ARHGEF12: variants seen among roughly 807,000 people sequenced by gnomAD.
The protein encoded by ARHGEF12 is Rho guanine nucleotide exchange factor 12.
A neutral mutation model predicts 211.2 loss-of-function variants in ARHGEF12; 66 were observed. That is an observed-to-expected ratio of 0.31 (90% CI 0.26 to 0.38). ARHGEF12 has a LOEUF of 0.38. Among genes scored for constraint, ARHGEF12 ranks in the 10% least tolerant of loss-of-function variants. The probability of loss-of-function intolerance (pLI) is 1.00; values close to 1 mark genes in which losing one functional copy is unlikely to be tolerated. For synonymous variants in ARHGEF12, 592 were observed against 638.4 expected (o/e 0.93, Z 1.09); for missense variants, 1,429 against 1,869.5 (o/e 0.76, Z 4.34).
intron 1 of ARHGEF12, among the ~76,000 whole-genome samples, chr11:120,387,854 C>T (rs573805076): frequency 2.6e-4 from 39 of 152,154 alleles, no homozygotes; most frequent in African/African-American, 8.4e-4. Context: ...AAAGATATTT[C>T]GTAAGGTATA....
chr11:120,336,629 G>A lies in ARHGEF12; in HGVS notation c.-615G>A, dbSNP rs912371028. Among the ~76,000 whole-genome samples, 1 of 152,128 alleles carries A rather than the reference G, an allele frequency of 6.6e-6. No individual in the cohort carries two copies. Among genetic ancestry groups the A allele is most frequent in the African/African-American group, 2.4e-5 (1 of 41,452 alleles). On this transcript the variant is annotated 5_prime_UTR_variant, in exon 1 of 41. Coordinates refer to ENST00000397843, the MANE Select transcript of ARHGEF12 (RefSeq NM_015313.3). The stretch of plus-strand genomic sequence containing the variant: ...CCGGGTCCCTGTCACCTCGGGCCGC[G>A]GGACCTCTCCGCCGGCGCCAGCGGC...
chr11:120,352,061 T>A (rs1289961707), intron 1 of ARHGEF12, among the ~76,000 whole-genome samples: 1 of 152,208 alleles, frequency 6.6e-6, no homozygotes, highest in Non-Finnish European at 1.5e-5. Context: ...AAATAGATTT[T>A]GTCTTCAACA....
chr11:120,381,010 A>G (rs1591523052), intron 1 of ARHGEF12, among the ~76,000 whole-genome samples: 1 of 152,154 alleles, frequency 6.6e-6, no homozygotes, highest in East Asian at 1.9e-4. Flanking sequence ...GTACTAGAAG[A>G]TGCTCCAGGC....
intron 26 of ARHGEF12, 53 bp downstream of exon 26, chr11:120,459,373 A>G: frequency 6.4e-7 from 1 of 1,566,252 alleles, no homozygotes; most frequent in Non-Finnish European, 8.7e-7. Flanking sequence ...TAGAGAAAAG[A>G]TTGTGAGTTT....
chr11:120,453,847 T>C (rs1946283358), intron 22 of ARHGEF12, among the ~76,000 whole-genome samples: 1 of 152,186 alleles, frequency 6.6e-6, no homozygotes. Flanking sequence ...GGCTCAGAGT[T>C]AGCATATGTT....
intron 39 of ARHGEF12, among the ~76,000 whole-genome samples, chr11:120,482,738 CTG>C (rs1290669568): frequency 1.5e-5 from 2 of 132,038 alleles, no homozygotes; most frequent in South Asian, 2.7e-4. Flanking sequence ...GAGCGAGACT[CTG>C]TCTCAAAAAA....
chr11:120,404,814 C>T (rs1180642723), intron 1 of ARHGEF12, among the ~76,000 whole-genome samples: 1 of 152,160 alleles, frequency 6.6e-6, no homozygotes, highest in African/African-American at 2.4e-5. Flanking sequence ...CTTGTATGTT[C>T]ATCTGTAAAT....
chr11:120,443,311 C>T (rs765310008), intron 15 of ARHGEF12, among the ~76,000 whole-genome samples: 11 of 152,140 alleles, frequency 7.2e-5, no homozygotes, highest in African/African-American at 1.7e-4. Context: ...TGAGCCACCG[C>T]ACCTGGCCTT....
At chr11:120,420,572 T>G (rs1167827261) in intron 4 of ARHGEF12, among the ~76,000 whole-genome samples, 181 bp from the exon 5 acceptor site, 1 of 152,262 alleles carries the variant, frequency 6.6e-6, no homozygotes, top group African/African-American at 2.4e-5. Context: ...TGTGTGACTC[T>G]GTGGTGTTCT....
intron 1 of ARHGEF12, among the ~76,000 whole-genome samples, chr11:120,346,701 C>CT (rs1037252096): frequency 2.5e-4 from 37 of 150,916 alleles, no homozygotes; most frequent in African/African-American, 8.7e-4. Context: ...ATGAAAGTTT[C>CT]TTTTTTTTTA....
chr11:120,423,254 G>A (rs988283559), intron 6 of ARHGEF12, among the ~76,000 whole-genome samples: 2 of 152,092 alleles, frequency 1.3e-5, no homozygotes, highest in African/African-American at 2.4e-5. Flanking sequence ...TACACATTTA[G>A]TATAGTTTGG....
chr11:120,421,964 A>G (rs189078263), intron 6 of ARHGEF12, 112 bp downstream of exon 6: 77 of 750,510 alleles, frequency 1.0e-4, no homozygotes, highest in Middle Eastern at 3.7e-4. Context: ...ACTTCTATGT[A>G]TGATAGATCT....
chr11:120,420,198 C>T (rs953046228), intron 4 of ARHGEF12, among the ~76,000 whole-genome samples: 2 of 152,152 alleles, frequency 1.3e-5, no homozygotes, highest in African/African-American at 2.4e-5. Context: ...CTGAACTCTT[C>T]CTTTCTCTTC....
intron 1 of ARHGEF12, among the ~76,000 whole-genome samples, chr11:120,374,011 TAGTC>T (rs1184641748): frequency 6.6e-6 from 1 of 152,162 alleles, no homozygotes; most frequent in Non-Finnish European, 1.5e-5. Flanking sequence ...TTCTCCGTGT[TAGTC>T]AGGTTGGGCT....
At chr11:120,345,762 A>G (rs1565415817) in intron 1 of ARHGEF12, among the ~76,000 whole-genome samples, 1 of 151,592 alleles carries the variant, frequency 6.6e-6, no homozygotes, top group African/African-American at 2.4e-5. Context: ...ATATATATAT[A>G]CAGTATTTAG....
chr11:120,476,144 C>G (rs1947021032), intron 33 of ARHGEF12: 1 of 153,186 alleles, frequency 6.5e-6, no homozygotes, highest in Non-Finnish European at 1.5e-5. Flanking sequence ...AACCTTGGCA[C>G]ACTGCAACCT....
At position 120,428,023 on chromosome 11, in the gene ARHGEF12, A is replaced by G. The variant is rs777175328; in HGVS notation, c.407-46A>G. On this transcript the variant is annotated intron_variant, in intron 7 of 40. Coordinates refer to ENST00000397843, the MANE Select transcript of ARHGEF12 (RefSeq NM_015313.3). ...AAATGGTATAAAAAGTTTCTTGACA[A>G]TGTTATTTTCCCTTCCCTTCCCTTT... 21 of 1,465,214 alleles carry G rather than the reference A, an allele frequency of 1.4e-5. No homozygotes were observed. The East Asian group carries it at 3.9e-4, about 27-fold the overall frequency. 90.8% of individuals were successfully genotyped at this position (1,465,214 alleles called of 1,614,324 possible).
In ARHGEF12 at chr11:120,484,450, A is replaced by G. The variant is rs1258561943; in HGVS notation, c.4567A>G (p.Ser1523Gly). ...TTTTATTTCACAGAAGGTGGAGGAAAGTTACACCATTCTTTGCCAAAGGCT... is the reference window on the plus strand; with the variant it reads ...TTTTATTTCACAGAAGGTGGAGGAAGGTTACACCATTCTTTGCCAAAGGCT... Reference protein sequence around the residue: ...DLEHLKKVEESYTILCQRLAG... With the variant: ...DLEHLKKVEEGYTILCQRLAG... Residue 1523 changes from serine to glycine, a missense_variant, in exon 40 of 41, where the codon AGT becomes GGT. By Grantham distance (56) the Ser-to-Gly change is moderately conservative (BLOSUM62 0). Coordinates refer to ENST00000397843, the MANE Select transcript of ARHGEF12 (RefSeq NM_015313.3). 1.2e-6 allele frequency: 2 copies of G among 1,614,082 alleles called. No individual in the cohort carries two copies. Among genetic ancestry groups the G allele is most frequent in the South Asian group, 2.2e-5 (2 of 91,062 alleles).
rs1264747613 is a variant in ARHGEF12 at position 120,417,588 on chromosome 11, C to T, written c.200-3165C>T. Among the ~76,000 whole-genome samples, 6 of 148,368 alleles carry T rather than the reference C, an allele frequency of 4.0e-5. No homozygotes were observed. The East Asian group carries it at 1.2e-3, about 30-fold the overall frequency. On this transcript the variant is annotated intron_variant, in intron 4 of 40. Coordinates refer to ENST00000397843, the MANE Select transcript of ARHGEF12 (RefSeq NM_015313.3). ...GGAGTGCAGTGGTGCAGTCTCGGCT[C>T]ACTGCAACCTCCAGCTCCCAGATTC...
Sources: allele counts gnomAD v4.1 joint callset (sites outside exome capture counted in the v4.1 genomes callset), GRCh38; gene constraint gnomAD v4.1.1; transcripts MANE v1.5; gene names NCBI Gene and HGNC (gene_info 2026-07-23, HGNC 2026-07-21).